KHDRBS2: variants seen among roughly 807,000 people sequenced by gnomAD.
The protein encoded by KHDRBS2 is KH domain-containing, RNA-binding, signal transduction-associated protein 2.
KHDRBS2 carries 26 observed loss-of-function variants against 44.3 expected under a neutral mutation model. The ratio of observed to expected loss-of-function variants is 0.59; its 90% CI spans 0.43 to 0.81. The LOEUF (loss-of-function observed/expected upper bound fraction) is 0.81. Among genes scored for constraint, KHDRBS2 ranks in the 40% least tolerant of loss-of-function variants. The probability of loss-of-function intolerance (pLI) is 0.00; values close to 1 mark genes in which losing one functional copy is unlikely to be tolerated. For missense variants in KHDRBS2, 476 were observed against 433.1 expected (o/e 1.10, Z -0.88); for synonymous variants, 194 against 151.1 (o/e 1.28, Z -2.08).
At chr6:61,813,501 C>T (rs1788438314) in intron 6 of KHDRBS2, among the ~76,000 whole-genome samples, 1 of 152,080 alleles carries the variant, frequency 6.6e-6, no homozygotes, top group African/African-American at 2.4e-5. Flanking sequence ...TGAGGAGTTA[C>T]TATTGTCTGT....
chr6:62,076,782 C>T (rs1304936206), intron 2 of KHDRBS2, among the ~76,000 whole-genome samples: 2 of 151,984 alleles, frequency 1.3e-5, no homozygotes, highest in African/African-American at 2.4e-5. Context: ...TAGCTCACAC[C>T]TGTAATCCCA....
chr6:62,107,855 A>G (rs1421949822), intron 2 of KHDRBS2, among the ~76,000 whole-genome samples: 2 of 152,186 alleles, frequency 1.3e-5, no homozygotes, highest in Admixed American at 6.5e-5. Context: ...AGGATTCCCT[A>G]TTTAATGAAT....
intron 6 of KHDRBS2, among the ~76,000 whole-genome samples, chr6:61,786,555 A>G (rs977258992): frequency 2.0e-5 from 3 of 150,902 alleles, no homozygotes; most frequent in Non-Finnish European, 4.5e-5. Flanking sequence ...ATTCTAAATA[A>G]AAAATTAAAA....
intron 1 of KHDRBS2, among the ~76,000 whole-genome samples, chr6:62,203,518 A>T (rs1827393226): frequency 6.6e-6 from 1 of 152,110 alleles, no homozygotes; most frequent in African/African-American, 2.4e-5. Flanking sequence ...TCAGAACAGG[A>T]GCACTGTGAA....
chr6:62,258,917 T>C (rs1199039591), intron 1 of KHDRBS2, among the ~76,000 whole-genome samples: 5 of 152,024 alleles, frequency 3.3e-5, no homozygotes, highest in African/African-American at 1.2e-4. Context: ...TACCCAGTGA[T>C]GGTACAGAAA....
intron 3 of KHDRBS2, among the ~76,000 whole-genome samples, chr6:62,041,311 G>A (rs1786449496): frequency 6.6e-6 from 1 of 151,950 alleles, no homozygotes; most frequent in Non-Finnish European, 1.5e-5. Context: ...AGCCTGGGCA[G>A]CAAGAATGAG....
In KHDRBS2 at chr6:61,872,839, G is replaced by C. The variant is rs563146949; in HGVS notation, c.810+21796C>G. ...TAAGTTGGTGTTATATTGGCTTATA[G>C]AAAGAAAAACAGAGACCAGAAAACT... On this transcript the variant is annotated intron_variant, in intron 6 of 8. Transcript: ENST00000281156. Among the ~76,000 whole-genome samples, 5 of 152,150 alleles carry C rather than the reference G, an allele frequency of 3.3e-5. No homozygotes were observed. The South Asian group carries it at 1.0e-3, about 32-fold the overall frequency.
rs543876894 is a variant in KHDRBS2, at chr6:61,762,349, T to C, written c.811-29585A>G. Among the ~76,000 whole-genome samples the C allele has an allele frequency of 2.6e-5, 4 of 152,256 alleles. No homozygotes were observed. The East Asian group carries it at 7.7e-4, about 29-fold the overall frequency. On this transcript the variant is annotated intron_variant, in intron 6 of 8. Coordinates refer to ENST00000281156, the MANE Select transcript of KHDRBS2 (RefSeq NM_152688.4). ...CAGGGATGGATTGTAGCCAGTAATA[T>C]AGTTTGGATATTTGAGCCTTCGAAA...
At chr6:61,543,010 C>G in the KHDRBS2 span, among the ~76,000 whole-genome samples, 1 of 151,864 alleles carries the variant, frequency 6.6e-6, no homozygotes. Flanking sequence ...TATGAAACTC[C>G]TAAAATAAAC....
At chr6:61,965,850 T>C (rs1179508876) in intron 4 of KHDRBS2, among the ~76,000 whole-genome samples, 3 of 151,960 alleles carry the variant, frequency 2.0e-5, no homozygotes, top group Admixed American at 6.6e-5. Context: ...AAGGAGACGT[T>C]TGAGTGACTG....
At chr6:61,698,705 T>G (rs1768203440) in intron 7 of KHDRBS2, among the ~76,000 whole-genome samples, 1 of 152,074 alleles carries the variant, frequency 6.6e-6, no homozygotes, top group South Asian at 2.1e-4. Flanking sequence ...TCAGACCTCA[T>G]GCTCTAACAC....
chr6:61,812,426 G>A (rs555840157), intron 6 of KHDRBS2, among the ~76,000 whole-genome samples: 2 of 152,190 alleles, frequency 1.3e-5, no homozygotes, highest in East Asian at 3.9e-4. Context: ...TTCATGAGGA[G>A]CTTTAAGTGA....
chr6:62,038,081 T>G (rs1785670147), intron 3 of KHDRBS2, among the ~76,000 whole-genome samples: 2 of 152,158 alleles, frequency 1.3e-5, no homozygotes, highest in Admixed American at 6.6e-5. Context: ...AGAGGCACTA[T>G]TCACATGAAA....
chr6:61,723,222 C>T (rs1562034374), intron 7 of KHDRBS2, among the ~76,000 whole-genome samples: 1 of 151,704 alleles, frequency 6.6e-6, no homozygotes, highest in Middle Eastern at 3.2e-3. Flanking sequence ...CCACAAAAAC[C>T]CCATTCAATG....
chr6:62,106,848 A>T lies in KHDRBS2; in HGVS notation c.220-58854T>A, dbSNP rs367560624. Among the ~76,000 whole-genome samples the T allele has an allele frequency of 3.8e-3, 577 of 152,170 alleles. 1 individual carries two copies. The highest frequency in any genetic ancestry group is 0.013 in the African/African-American group (558 of 41,512). On this transcript the variant is annotated intron_variant, in intron 2 of 8. Transcript: ENST00000281156. ...CAGAACCAAAGACAAAAACCACATG[A>T]TTATCTCAATAGATGCAGAAAAGGC...
intron 6 of KHDRBS2, among the ~76,000 whole-genome samples, chr6:61,874,297 T>C (rs1799083726): frequency 1.3e-5 from 2 of 152,184 alleles, no homozygotes; most frequent in African/African-American, 2.4e-5. Flanking sequence ...AATCTAATAT[T>C]TGATACCTCT....
chr6:61,779,601 T>G (rs2127580798), intron 6 of KHDRBS2, among the ~76,000 whole-genome samples: 1 of 152,288 alleles, frequency 6.6e-6, no homozygotes, highest in East Asian at 1.9e-4. Flanking sequence ...ATGTACAAAA[T>G]GCTTTATTTT....
intron 1 of KHDRBS2, among the ~76,000 whole-genome samples, chr6:62,261,618 G>A (rs982284552): frequency 6.6e-6 from 1 of 151,802 alleles, no homozygotes; most frequent in African/African-American, 2.4e-5. Context: ...TGCTACAGAA[G>A]GAAGAAGTAA....
intron 7 of KHDRBS2, among the ~76,000 whole-genome samples, chr6:61,713,778 A>G (rs1455180639): frequency 6.6e-6 from 1 of 151,788 alleles, no homozygotes; most frequent in Non-Finnish European, 1.5e-5. Context: ...ACTGACAACA[A>G]TATAGACTGG....
Sources: gnomAD v4.1 joint callset for allele counts (sites outside exome capture counted in the v4.1 genomes callset) on GRCh38, gnomAD v4.1.1 for gene constraint, MANE v1.5 for transcripts, NCBI Gene and HGNC (gene_info 2026-07-23, HGNC 2026-07-21) for gene names.